Variants in LRBA observed in about 807,000 individuals in gnomAD.
LRBA encodes LPS responsive beige-like anchor protein, also known as lipopolysaccharide-responsive and beige-like anchor protein.
LRBA carries 176 observed loss-of-function variants against 330.0 expected under a neutral mutation model. The observed-to-expected ratio is 0.53, with a 90% CI of 0.47 to 0.60. The LOEUF (loss-of-function observed/expected upper bound fraction) is 0.60. Ranked by LOEUF, LRBA falls within the 20% of genes least tolerant of loss-of-function variation. The pLI is 0.00. For missense variants in LRBA, 3,259 were observed against 3,444.8 expected, an observed-to-expected ratio of 0.95 and a Z score of 1.35; for synonymous variants, 1,230 against 1,193.0, an observed-to-expected ratio of 1.03 and a Z score of -0.64.
intron 35 of LRBA, among the ~76,000 whole-genome samples, chr4:150,752,042 T>C (rs547792106): frequency 6.6e-6 from 1 of 152,306 alleles, no homozygotes; most frequent in South Asian, 2.1e-4. Context: ...TACACTCTAA[T>C]AATTGAGAAT....
intron 40 of LRBA, among the ~76,000 whole-genome samples, chr4:150,569,550 T>C (rs1769583383): frequency 6.6e-6 from 1 of 152,128 alleles, no homozygotes; most frequent in South Asian, 2.1e-4. Context: ...GACGGTTCAT[T>C]AGTCATAACT....
intron 40 of LRBA, among the ~76,000 whole-genome samples, chr4:150,494,626 T>C (rs764837126): frequency 2.0e-5 from 3 of 152,228 alleles, no homozygotes; most frequent in Non-Finnish European, 2.9e-5. Context: ...TTAAACAGTA[T>C]GGTTATTCAA....
chr4:150,559,483 C>T (rs560550520), intron 40 of LRBA, among the ~76,000 whole-genome samples: 208 of 144,650 alleles, frequency 1.4e-3, no homozygotes, highest in African/African-American at 5.1e-3. Context: ...ATCGCTTGAA[C>T]CCGGGAGGTG....
intron 37 of LRBA, among the ~76,000 whole-genome samples, chr4:150,624,366 T>C (rs1031589834): frequency 1.8e-4 from 27 of 150,108 alleles, no homozygotes; most frequent in Admixed American, 6.6e-5. Flanking sequence ...AGACTCTGTC[T>C]CAAAATAAAA....
At chr4:150,606,328 T>C (rs1223527695) in intron 37 of LRBA, among the ~76,000 whole-genome samples, 1 of 152,110 alleles carries the variant, frequency 6.6e-6, no homozygotes, top group East Asian at 1.9e-4. Flanking sequence ...AAAATGATGT[T>C]ATTAAGAACC....
chr4:150,878,454 A>T (rs1579075676), intron 17 of LRBA, among the ~76,000 whole-genome samples: 1 of 152,136 alleles, frequency 6.6e-6, no homozygotes, highest in East Asian at 1.9e-4. Context: ...ACAAACTATT[A>T]ACCCCAAAGC....
chr4:150,800,531 A>C (rs1310691286), intron 33 of LRBA, among the ~76,000 whole-genome samples: 2 of 152,370 alleles, frequency 1.3e-5, no homozygotes, highest in East Asian at 3.8e-4. Flanking sequence ...CATGTGCAAA[A>C]AAACAAATAA....
intron 34 of LRBA, among the ~76,000 whole-genome samples, chr4:150,795,667 C>T (rs1167997643): frequency 6.6e-6 from 1 of 151,802 alleles, no homozygotes; most frequent in East Asian, 1.9e-4. Context: ...TGAAATGGTG[C>T]CTAATCAACT....
rs150259869 is a variant in LRBA at position 150,817,019 on chromosome 4, A to G, written c.5305+105T>C. The G allele has an allele frequency of 3.5e-3, 3,154 of 890,428 alleles. 18 individuals are homozygous for G. The highest frequency in any genetic ancestry group is 4.1e-3 in the Non-Finnish European group (2,304 of 555,960). The allele number at this position is 890,428 out of a possible 1,614,324, so 55.2% of individuals were successfully genotyped here. A position where few individuals can be genotyped will look rare whatever the true frequency, so the allele number is the denominator to read the frequency against. ...AAACAATCAACAGTATAAAAGTACA[A>G]TGGTTTCTAATGTGCCCCCAAATTT... On this transcript the variant is annotated intron_variant, in intron 31 of 56. Coordinates refer to ENST00000651943, the MANE Select transcript of LRBA (RefSeq NM_001364905.1).
intron 36 of LRBA, among the ~76,000 whole-genome samples, chr4:150,716,620 C>G (rs1011500207): frequency 6.6e-6 from 1 of 151,668 alleles, no homozygotes; most frequent in African/African-American, 2.4e-5. Context: ...AAAATAAACA[C>G]GTTTAAATTT....
chr4:150,782,234 C>T (rs1191037219), intron 34 of LRBA, among the ~76,000 whole-genome samples: 2 of 152,272 alleles, frequency 1.3e-5, no homozygotes, highest in South Asian at 2.1e-4. Flanking sequence ...CATAACTTAA[C>T]ACTGTTACTG....
intron 23 of LRBA, 58 bp from the exon 24 acceptor site, chr4:150,850,960 C>T: frequency 7.8e-7 from 1 of 1,276,692 alleles, no homozygotes; most frequent in Non-Finnish European, 1.1e-6. Context: ...GAGGCTTTAG[C>T]AAAGTAAATA....
chr4:150,841,110 G>C (rs547476268), intron 28 of LRBA: 111 of 331,444 alleles, frequency 3.3e-4, no homozygotes, highest in African/African-American at 2.2e-3. Flanking sequence ...CTTTTCTCTA[G>C]ACATACCCAT....
chr4:150,658,504 AG>A (rs1780456469), intron 37 of LRBA, among the ~76,000 whole-genome samples: 3 of 21,560 alleles, frequency 1.4e-4, no homozygotes, highest in African/African-American at 2.0e-4. Flanking sequence ...AGAAAATAAA[AG>A]TCTCCCTCTC....
At chr4:150,809,642 C>G (rs953730469) in intron 31 of LRBA, among the ~76,000 whole-genome samples, 1 of 152,130 alleles carries the variant, frequency 6.6e-6, no homozygotes, top group Non-Finnish European at 1.5e-5. Context: ...ACTGCTTGAG[C>G]TCAGGAGTTC....
chr4:150,972,373 A>G (rs1009077560), intron 2 of LRBA, among the ~76,000 whole-genome samples: 5 of 152,126 alleles, frequency 3.3e-5, no homozygotes, highest in Admixed American at 1.3e-4. Flanking sequence ...CAAAACTGTT[A>G]AAAAATAAAA....
chr4:150,752,848 A>T (rs183787627), intron 35 of LRBA, among the ~76,000 whole-genome samples: 115 of 152,332 alleles, frequency 7.5e-4, no homozygotes, highest in African/African-American at 2.4e-3. Flanking sequence ...TGATTATTTT[A>T]GATAAAATAA....
intron 39 of LRBA, among the ~76,000 whole-genome samples, chr4:150,589,040 T>TACACAC (rs10637563): frequency 0.013 from 1,960 of 146,802 alleles, 20 homozygotes; most frequent in Middle Eastern, 0.042. Flanking sequence ...TGTGTGTGTA[T>TACACAC]ACACACACAC....
intron 2 of LRBA, among the ~76,000 whole-genome samples, chr4:150,975,223 A>G (rs1322991031): frequency 2.6e-5 from 4 of 152,218 alleles, no homozygotes. Flanking sequence ...ACTATGCTTC[A>G]GGAGGTAAAG....
Sources: allele counts gnomAD v4.1 joint callset (sites outside exome capture counted in the v4.1 genomes callset), GRCh38; gene constraint gnomAD v4.1.1; transcripts MANE v1.5; gene names NCBI Gene and HGNC (gene_info 2026-07-23, HGNC 2026-07-21).